GLCE: variants seen among roughly 807,000 people sequenced by gnomAD.
The protein encoded by GLCE is D-glucuronyl C5-epimerase.
A neutral mutation model predicts 47.9 loss-of-function variants in GLCE; 19 were observed. The ratio of observed to expected loss-of-function variants is 0.40; its 90% confidence interval spans 0.28 to 0.58. The LOEUF (loss-of-function observed/expected upper bound fraction) is 0.58. Among genes scored for constraint, GLCE ranks in the 20% least tolerant of loss-of-function variants. The pLI, the probability that GLCE is intolerant of heterozygous loss-of-function variation, is 0.48. For missense variants in GLCE, 556 were observed against 743.3 expected (o/e 0.75, Z 2.93); for synonymous variants, 245 against 263.4 (o/e 0.93, Z 0.68).
intron 1 of GLCE, among the ~76,000 whole-genome samples, chr15:69,169,258 TGTTTA>T (rs2051550279): frequency 1.3e-5 from 2 of 152,204 alleles, no homozygotes; most frequent in Admixed American, 6.5e-5. Flanking sequence ...CTGTTTCCAG[TGTTTA>T]GTTCTTAGAA....
chr15:69,212,887 A>T (rs969576525), intron 2 of GLCE, among the ~76,000 whole-genome samples: 1 of 152,102 alleles, frequency 6.6e-6, no homozygotes, highest in African/African-American at 2.4e-5. Context: ...ATCTTACTTT[A>T]GTTGACCACT....
At chr15:69,214,822 A>G (rs1382471711) in intron 2 of GLCE, among the ~76,000 whole-genome samples, 1 of 152,202 alleles carries the variant, frequency 6.6e-6, no homozygotes, top group Non-Finnish European at 1.5e-5. Flanking sequence ...TATTATACAT[A>G]TATAGTAGTT....
At chr15:69,228,875 A>T (rs918381836) in intron 2 of GLCE, among the ~76,000 whole-genome samples, 1 of 152,126 alleles carries the variant, frequency 6.6e-6, no homozygotes, top group Non-Finnish European at 1.5e-5. Context: ...TTTTGTAGAG[A>T]CAGAGTTTTG....
At chr15:69,180,757 C>T (rs2051737916) in intron 1 of GLCE, among the ~76,000 whole-genome samples, 1 of 152,212 alleles carries the variant, frequency 6.6e-6, no homozygotes, top group South Asian at 2.1e-4. Flanking sequence ...CCAGGTCAAG[C>T]AAGGTCTTAT....
At chr15:69,221,740 A>G (rs1031037161) in intron 2 of GLCE, among the ~76,000 whole-genome samples, 2 of 151,726 alleles carry the variant, frequency 1.3e-5, no homozygotes. Flanking sequence ...GTGGGCACCC[A>G]TAATCCCAGC....
intron 2 of GLCE, among the ~76,000 whole-genome samples, chr15:69,251,937 A>T (rs956247915): frequency 6.6e-6 from 1 of 152,214 alleles, no homozygotes; most frequent in Non-Finnish European, 1.5e-5. Flanking sequence ...TTTAGCAATT[A>T]GCAATAATTT....
At chr15:69,227,773 A>G (rs1201553870) in intron 2 of GLCE, among the ~76,000 whole-genome samples, 1 of 152,242 alleles carries the variant, frequency 6.6e-6, no homozygotes, top group Non-Finnish European at 1.5e-5. Flanking sequence ...AAGCACATTA[A>G]GGAATATAGG....
chr15:69,260,729 C>T (rs2053002045), intron 3 of GLCE: 1 of 200,688 alleles, frequency 5.0e-6, no homozygotes, highest in South Asian at 1.2e-4. Context: ...GTGACATTAG[C>T]TATACGCATC....
At chr15:69,258,576 A>T (rs542995059) in intron 3 of GLCE, among the ~76,000 whole-genome samples, 332 of 152,138 alleles carry the variant, frequency 2.2e-3, no homozygotes, top group Non-Finnish European at 3.6e-3. Context: ...TTTTTTAATT[A>T]ATGTTTTATA....
At chr15:69,257,307 GT>G (rs1179402035) in intron 3 of GLCE, among the ~76,000 whole-genome samples, 2 of 151,862 alleles carry the variant, frequency 1.3e-5, no homozygotes. Flanking sequence ...TTTTTCCTTT[GT>G]TTTTACTACT....
intron 2 of GLCE, among the ~76,000 whole-genome samples, chr15:69,227,312 A>T (rs1467270882): frequency 6.6e-6 from 1 of 151,782 alleles, no homozygotes; most frequent in Non-Finnish European, 1.5e-5. Flanking sequence ...ATCATTAGAG[A>T]CCCCTATTTG....
chr15:69,191,055 A>G (rs952625804), intron 1 of GLCE, among the ~76,000 whole-genome samples: 2 of 152,116 alleles, frequency 1.3e-5, no homozygotes, highest in African/African-American at 4.8e-5. Context: ...CCCACAGTAG[A>G]TTGTAATTAT....
chr15:69,217,275 T>A (rs1277982373), intron 2 of GLCE, among the ~76,000 whole-genome samples: 1 of 151,930 alleles, frequency 6.6e-6, no homozygotes, highest in African/African-American at 2.4e-5. Context: ...TCTCAGGCCA[T>A]ATTTGTAAAT....
chr15:69,194,559 A>G (rs1003847932), intron 1 of GLCE: 4 of 152,162 alleles, frequency 2.6e-5, no homozygotes, highest in African/African-American at 4.8e-5. Context: ...TTTTTAGTCC[A>G]GATTACCAGG....
At chr15:69,164,661 T>G (rs957384259) in intron 1 of GLCE, among the ~76,000 whole-genome samples, 1 of 152,010 alleles carries the variant, frequency 6.6e-6, no homozygotes, top group Non-Finnish European at 1.5e-5. Flanking sequence ...TAAGAGTAGC[T>G]AGTTCTCAAG....
At chr15:69,212,695 T>G (rs1447985258) in intron 2 of GLCE, among the ~76,000 whole-genome samples, 1 of 152,092 alleles carries the variant, frequency 6.6e-6, no homozygotes, top group Non-Finnish European at 1.5e-5. Context: ...TAAAACCTGG[T>G]CCATATTACC....
At chr15:69,232,785 G>GA (rs1422015235) in intron 2 of GLCE, among the ~76,000 whole-genome samples, 2 of 152,048 alleles carry the variant, frequency 1.3e-5, no homozygotes, top group African/African-American at 2.4e-5. Flanking sequence ...AAACAAGGGG[G>GA]AAAAATCTAT....
intron 1 of GLCE, among the ~76,000 whole-genome samples, chr15:69,190,858 C>A (rs1046133778): frequency 7.2e-5 from 11 of 151,942 alleles, no homozygotes; most frequent in Admixed American, 7.2e-4. Flanking sequence ...TCTCTCTTTT[C>A]TTGGCATTCT....
intron 2 of GLCE, among the ~76,000 whole-genome samples, chr15:69,240,928 T>TAG (rs1287015277): frequency 6.6e-6 from 1 of 152,158 alleles, no homozygotes; most frequent in Non-Finnish European, 1.5e-5. Context: ...GATAAAAACT[T>TAG]TTCTGAGATG....
Sources: gnomAD v4.1 joint callset for allele counts (sites outside exome capture counted in the v4.1 genomes callset) on GRCh38, gnomAD v4.1.1 for gene constraint, MANE v1.5 for transcripts, NCBI Gene and HGNC (gene_info 2026-07-23, HGNC 2026-07-21) for gene names.